Variants in CENPH observed in about 807,000 individuals in gnomAD.
CENPH encodes CENP-H.
In CENPH, 40 loss-of-function variants were observed where a neutral mutation model predicts 42.9. The observed-to-expected ratio is 0.93, with a 90% CI of 0.72 to 1.21. The LOEUF is 1.21. Ranked by LOEUF, CENPH falls within the 50% of genes most tolerant of loss-of-function variation. CENPH has a pLI of 0.00. For synonymous variants in CENPH, 88 were observed against 96.5 expected, an observed-to-expected ratio of 0.91 and a Z score of 0.52; for missense variants, 302 against 292.9, an observed-to-expected ratio of 1.03 and a Z score of -0.23.
At chr5:69,204,919 CTTTTTT>C (rs375795328) in intron 7 of CENPH, among the ~76,000 whole-genome samples, 1 of 99,430 alleles carries the variant, frequency 1.0e-5, no homozygotes, top group Non-Finnish European at 2.0e-5. Context: ...TTTTCTTTTT[CTTTTTT>C]TTTTTTTTTT....
intron 4 of CENPH, 48 bp from the exon 5 acceptor site, chr5:69,197,005 C>T (rs1341790493): frequency 1.1e-5 from 14 of 1,234,118 alleles, no homozygotes; most frequent in African/African-American, 1.1e-4. Context: ...TTTAATGTAC[C>T]ACAAATGTTA....
intron 6 of CENPH, 107 bp downstream of exon 6, chr5:69,202,676 A>T: frequency 1.3e-6 from 1 of 745,608 alleles, no homozygotes; most frequent in Non-Finnish European, 2.3e-6. Context: ...AGGGAATGCT[A>T]TGATTGGAAT....
chr5:69,209,611 T>G, intron 8 of CENPH, 96 bp from the exon 9 acceptor site: 1 of 627,108 alleles, frequency 1.6e-6, no homozygotes, highest in South Asian at 2.0e-5. Context: ...GTAGTAAATG[T>G]TAATTACTTG....
At position 69,194,690 on chromosome 5, in the gene CENPH, C is replaced by G. The variant is rs1047082948; in HGVS notation, c.234C>G (p.Ile78Met). 1.9e-6 allele frequency: 3 copies of G among 1,575,494 alleles called. No individual in the cohort carries two copies. The South Asian group carries it at 3.5e-5, about 18-fold the overall frequency. Reference protein sequence around the residue: ...TPEQIMQEKQIEAKIEDLENE... With the variant: ...TPEQIMQEKQMEAKIEDLENE... ...AACAAATTATGCAAGAAAAGCAAAT[C>G]GAAGCGTATGTTATATTTAAAAATT... Residue 78 changes from isoleucine to methionine, a missense_variant, in exon 3 of 9, where the codon ATC (isoleucine) becomes ATG (methionine). Transcript: ENST00000283006.
rs1382742896 is a variant in CENPH, at chr5:69,209,716, T to C, written c.661T>C (p.Leu221=). The C allele has an allele frequency of 6.3e-7, 1 of 1,585,756 alleles. No homozygotes were observed. The highest frequency in any genetic ancestry group is 1.1e-5 in the South Asian group (1 of 87,862). Reference sequence around the variant, plus strand: ...TTTTTTTTCTTTACAGAACCTTATTTTGGGGAGTAAAGTCAATTGGGCAGA... The same window carrying C: ...TTTTTTTTCTTTACAGAACCTTATTCTGGGGAGTAAAGTCAATTGGGCAGA... ...VIQHVFQNLI[L]GSKVNWAEDP... Residue 221 remains leucine (L), a synonymous_variant, in exon 9 of 9, where the codon TTG becomes CTG. Coordinates refer to ENST00000283006, the MANE Select transcript of CENPH (RefSeq NM_022909.4).
At chr5:69,206,047 A>G (rs1364089824) in intron 7 of CENPH, among the ~76,000 whole-genome samples, 1 of 151,704 alleles carries the variant, frequency 6.6e-6, no homozygotes, top group African/African-American at 2.4e-5. Context: ...TTTTCTATAG[A>G]GACAGGATTC....
intron 5 of CENPH, among the ~76,000 whole-genome samples, chr5:69,197,812 A>T (rs1747988428): frequency 6.7e-6 from 1 of 150,092 alleles, no homozygotes; most frequent in East Asian, 2.0e-4. Context: ...TAATAATAAA[A>T]TTTTTTAAAA....
At chr5:69,201,256 A>G (rs932009777) in intron 5 of CENPH, among the ~76,000 whole-genome samples, 3 of 152,198 alleles carry the variant, frequency 2.0e-5, no homozygotes, top group Admixed American at 6.5e-5. Context: ...TGCTCCAGCC[A>G]TACCAAACTA....
Position 69,209,931 on chromosome 5 carries a change from G to A in CENPH, c.*132G>A, listed in dbSNP as rs951948294. 4 of 496,330 alleles carry A rather than the reference G, an allele frequency of 8.1e-6. No individual in the cohort carries two copies. The highest frequency in any genetic ancestry group is 1.4e-5 in the Non-Finnish European group (4 of 282,850). The allele number at this position is 496,330 out of a possible 1,614,324, so 30.7% of individuals were successfully genotyped here. A position where few individuals can be genotyped will look rare whatever the true frequency, so the allele number is the denominator to read the frequency against. ...TAACGTTTACAGTTGTAGTACAGTT[G>A]TGGTTAGTTATTTGTAGTGGGATTG... On this transcript the variant is annotated 3_prime_UTR_variant, in exon 9 of 9. Coordinates refer to ENST00000283006, the MANE Select transcript of CENPH (RefSeq NM_022909.4).
chr5:69,191,479 T>G (rs569415867), intron 1 of CENPH, among the ~76,000 whole-genome samples: 15 of 152,288 alleles, frequency 9.8e-5, no homozygotes, highest in African/African-American at 3.1e-4. Flanking sequence ...GCCACTGCAC[T>G]CCAGCCTGGG....
At chr5:69,190,559 C>A (rs1747851101) in intron 1 of CENPH, among the ~76,000 whole-genome samples, 1 of 152,148 alleles carries the variant, frequency 6.6e-6, no homozygotes, top group Non-Finnish European at 1.5e-5. Context: ...GTCCTCTGTT[C>A]TATATCATAA....
At position 69,189,644 on chromosome 5, in the gene CENPH, C is replaced by T. The variant is rs941682556; in HGVS notation, c.10C>T (p.Gln4Ter). The T allele has an allele frequency of 2.5e-6, 4 of 1,601,720 alleles. No individual in the cohort carries two copies. The highest frequency in any genetic ancestry group is 3.4e-6 in the Non-Finnish European group (4 of 1,176,420). MEE[Q>*]PQMQDADEPA... ...TTCCCCTCAACCAGCAATGGAGGAG[C>T]AGCCCCAGATGCAAGACGCCGACGA... The change falls in exon 1 of 9, where the codon CAG becomes TAG. Residue 4 changes from glutamine (Q) to a stop codon, truncating the protein, a stop_gained. Transcript: ENST00000283006. LOFTEE classifies it high-confidence loss of function.
intron 7 of CENPH, among the ~76,000 whole-genome samples, chr5:69,203,405 C>T (rs773077502): frequency 6.6e-6 from 1 of 151,972 alleles, no homozygotes; most frequent in East Asian, 1.9e-4. Context: ...CTCACTCTGT[C>T]GCCCATGCTG....
chr5:69,195,137 G>C (rs192626700), intron 3 of CENPH, among the ~76,000 whole-genome samples: 53 of 152,274 alleles, frequency 3.5e-4, no homozygotes, highest in African/African-American at 1.3e-3. Context: ...GCTGAGGCAG[G>C]AGAATTGCTT....
At chr5:69,195,511 C>T (rs1441944204) in intron 3 of CENPH, among the ~76,000 whole-genome samples, 2 of 152,138 alleles carry the variant, frequency 1.3e-5, no homozygotes, top group Non-Finnish European at 2.9e-5. Context: ...AACTTTCTGG[C>T]CTCCCTTTTT....
At chr5:69,204,993 A>C (rs1321888779) in intron 7 of CENPH, among the ~76,000 whole-genome samples, 1 of 138,742 alleles carries the variant, frequency 7.2e-6, no homozygotes, top group Non-Finnish European at 1.5e-5. Flanking sequence ...ATCTCAGCTC[A>C]TGGCAATCTC....
At chr5:69,199,825 AG>A (rs1189090104) in intron 5 of CENPH, among the ~76,000 whole-genome samples, 1 of 152,120 alleles carries the variant, frequency 6.6e-6, no homozygotes, top group Non-Finnish European at 1.5e-5. Context: ...AAAAAACAGA[AG>A]GGTCAGGCCG....
rs1748219769 is a variant in CENPH at position 69,209,925 on chromosome 5, A to G, written c.*126A>G. 11 of 545,082 alleles carry G rather than the reference A, an allele frequency of 2.0e-5. 1 individual carries two copies. The South Asian group carries it at 3.2e-4, about 16-fold the overall frequency. 33.8% of individuals were successfully genotyped at this position (545,082 alleles called of 1,614,324 possible). ...TATCCATAACGTTTACAGTTGTAGT[A>G]CAGTTGTGGTTAGTTATTTGTAGTG... On this transcript the variant is annotated 3_prime_UTR_variant, in exon 9 of 9. Transcript: ENST00000283006.
intron 1 of CENPH, among the ~76,000 whole-genome samples, chr5:69,190,582 T>TA (rs1267399935): frequency 6.6e-6 from 1 of 152,138 alleles, no homozygotes; most frequent in African/African-American, 2.4e-5. Context: ...GAGGTAGTTT[T>TA]AAAAAAATCA....
Sources: gnomAD v4.1 joint callset for allele counts (sites outside exome capture counted in the v4.1 genomes callset) on GRCh38, gnomAD v4.1.1 for gene constraint, MANE v1.5 for transcripts, NCBI Gene and HGNC (gene_info 2026-07-23, HGNC 2026-07-21) for gene names.